Variants in IGF2BP2 observed in about 807,000 individuals in gnomAD.
The protein encoded by IGF2BP2 is insulin-like growth factor 2 mRNA-binding protein 2.
IGF2BP2 carries 17 observed loss-of-function variants against 75.8 expected under a neutral mutation model. That is an observed-to-expected ratio of 0.22 (90% CI 0.15 to 0.34). The LOEUF (loss-of-function observed/expected upper bound fraction) is 0.34, where lower values mean the gene tolerates loss of function less well. Ranked by LOEUF, IGF2BP2 falls within the 10% of genes least tolerant of loss-of-function variation. IGF2BP2 has a pLI of 1.00. For synonymous variants in IGF2BP2, 288 were observed against 295.6 expected, an observed-to-expected ratio of 0.97 and a Z score of 0.26; for missense variants, 516 against 772.4, an observed-to-expected ratio of 0.67 and a Z score of 3.93.
chr3:185,798,413 T>G (rs1211844597), intron 2 of IGF2BP2, among the ~76,000 whole-genome samples: 1 of 152,146 alleles, frequency 6.6e-6, no homozygotes. Context: ...CGAGTACAAA[T>G]AGTGTTAATA....
At chr3:185,672,093 G>T (rs947394634) in intron 10 of IGF2BP2, among the ~76,000 whole-genome samples, 3 of 152,134 alleles carry the variant, frequency 2.0e-5, no homozygotes, top group Non-Finnish European at 4.4e-5. Context: ...TTTAAAAATT[G>T]CCTATTAATA....
intron 2 of IGF2BP2, among the ~76,000 whole-genome samples, chr3:185,767,228 G>A (rs1292611514): frequency 6.6e-6 from 1 of 152,168 alleles, no homozygotes; most frequent in Non-Finnish European, 1.5e-5. Context: ...CGACAATTCT[G>A]TGATCTATCT....
At chr3:185,820,447 T>C (rs1269546192) in intron 2 of IGF2BP2, among the ~76,000 whole-genome samples, 1 of 152,064 alleles carries the variant, frequency 6.6e-6, no homozygotes, top group Non-Finnish European at 1.5e-5. Flanking sequence ...ACACTTTTAT[T>C]CAACAGAGCC....
intron 2 of IGF2BP2, among the ~76,000 whole-genome samples, chr3:185,791,532 T>C (rs1017987693): frequency 6.6e-6 from 1 of 152,234 alleles, no homozygotes; most frequent in Non-Finnish European, 1.5e-5. Flanking sequence ...GCGTGTCCTC[T>C]GTGCCAGGCA....
At chr3:185,768,655 AC>A (rs893464368) in intron 2 of IGF2BP2, among the ~76,000 whole-genome samples, 16 of 152,246 alleles carry the variant, frequency 1.1e-4, no homozygotes, top group Non-Finnish European at 2.1e-4. Flanking sequence ...AGATCATGTG[AC>A]TAGGACAGCA....
intron 2 of IGF2BP2, among the ~76,000 whole-genome samples, chr3:185,750,643 TCAAGA>T (rs1159680852): frequency 6.6e-6 from 1 of 152,214 alleles, no homozygotes; most frequent in Non-Finnish European, 1.5e-5. Context: ...CAACAAGATG[TCAAGA>T]CAAGACAGAA....
intron 2 of IGF2BP2, among the ~76,000 whole-genome samples, chr3:185,745,244 C>T (rs532521323): frequency 6.6e-6 from 1 of 152,298 alleles, no homozygotes; most frequent in South Asian, 2.1e-4. Flanking sequence ...GAATGGTCGA[C>T]CAAGTTCAAG....
intron 2 of IGF2BP2, among the ~76,000 whole-genome samples, chr3:185,800,282 T>G (rs1339603907): frequency 6.7e-5 from 10 of 150,184 alleles, no homozygotes; most frequent in Admixed American, 6.6e-4. Flanking sequence ...TGTCGGAGAG[T>G]GGGGGACTGG....
chr3:185,789,922 T>C (rs1736420136), intron 2 of IGF2BP2, among the ~76,000 whole-genome samples: 1 of 152,004 alleles, frequency 6.6e-6, no homozygotes, highest in African/African-American at 2.4e-5. Context: ...CTAGTAGAGA[T>C]GAGGTTTCAC....
intron 6 of IGF2BP2, among the ~76,000 whole-genome samples, chr3:185,688,123 G>A (rs1187287020): frequency 1.3e-5 from 2 of 152,000 alleles, no homozygotes; most frequent in Admixed American, 1.3e-4. Context: ...CTATTATTTG[G>A]GGATAAATAA....
intron 7 of IGF2BP2, among the ~76,000 whole-genome samples, chr3:185,683,657 TCTCAG>T (rs1720715029): frequency 6.6e-6 from 1 of 152,032 alleles, no homozygotes; most frequent in Non-Finnish European, 1.5e-5. Context: ...ATCCACCTTG[TCTCAG>T]CCTCCCAAAG....
chr3:185,657,525 T>C, intron 11 of IGF2BP2, 123 bp from the exon 12 acceptor site: 1 of 686,916 alleles, frequency 1.5e-6, no homozygotes, highest in Admixed American at 2.4e-5. Flanking sequence ...CCCAAGGAAA[T>C]GGCCAAAATG....
At chr3:185,792,814 T>C in intron 2 of IGF2BP2, among the ~76,000 whole-genome samples, 1 of 148,156 alleles carries the variant, frequency 6.7e-6, no homozygotes, top group East Asian at 2.0e-4. Flanking sequence ...GAATATTTGG[T>C]CATATCATCA....
At chr3:185,700,210 G>C (rs960150977) in intron 2 of IGF2BP2, among the ~76,000 whole-genome samples, 8 of 151,988 alleles carry the variant, frequency 5.3e-5, no homozygotes, top group South Asian at 4.2e-4. Flanking sequence ...GAAAAGGAGA[G>C]ACACACACAC....
At chr3:185,783,243 A>C (rs559353011) in intron 2 of IGF2BP2, among the ~76,000 whole-genome samples, 72 of 152,292 alleles carry the variant, frequency 4.7e-4, no homozygotes, top group South Asian at 3.3e-3. Flanking sequence ...CAGATTTCTA[A>C]ACATCTGGAC....
intron 2 of IGF2BP2, among the ~76,000 whole-genome samples, chr3:185,810,138 CTAA>C (rs1403169522): frequency 6.6e-6 from 1 of 152,208 alleles, no homozygotes; most frequent in Non-Finnish European, 1.5e-5. Context: ...AAAGTGATTA[CTAA>C]TGAGTTATTT....
At chr3:185,744,709 T>C (rs1185642679) in intron 2 of IGF2BP2, among the ~76,000 whole-genome samples, 1 of 152,130 alleles carries the variant, frequency 6.6e-6, no homozygotes, top group African/African-American at 2.4e-5. Context: ...CTTGGGAGGC[T>C]GAGGCACAAG....
chr3:185,646,210 G>A (rs898496854), intron 15 of IGF2BP2, among the ~76,000 whole-genome samples: 10 of 152,142 alleles, frequency 6.6e-5, no homozygotes, highest in Admixed American at 6.5e-5. Context: ...AGACAGGGGC[G>A]TGGCCAGGGA....
intron 2 of IGF2BP2, among the ~76,000 whole-genome samples, chr3:185,714,610 G>A (rs1247519983): frequency 6.6e-6 from 1 of 152,082 alleles, no homozygotes; most frequent in Non-Finnish European, 1.5e-5. Context: ...ATACTATCTT[G>A]TTTGCATTTT....
Sources: gnomAD v4.1 joint callset for allele counts (sites outside exome capture counted in the v4.1 genomes callset) on GRCh38, gnomAD v4.1.1 for gene constraint, MANE v1.5 for transcripts, NCBI Gene and HGNC (gene_info 2026-07-23, HGNC 2026-07-21) for gene names.